Variants in CCDC152 observed in about 807,000 individuals in gnomAD.
The protein encoded by CCDC152 is coiled-coil domain-containing protein 152.
In CCDC152, 37 loss-of-function variants were observed where a neutral mutation model predicts 38.1. That is an observed-to-expected ratio of 0.97 (90% CI 0.75 to 1.28). CCDC152 has a LOEUF of 1.28. Among genes scored for constraint, CCDC152 ranks in the 50% most tolerant of loss-of-function variants. CCDC152 has a pLI of 0.00. For synonymous variants in CCDC152, 83 were observed against 87.1 expected (o/e 0.95, Z 0.26); for missense variants, 259 against 292.1 (o/e 0.89, Z 0.83).
intron 3 of CCDC152, among the ~76,000 whole-genome samples, chr5:42,764,278 C>T (rs2973000): frequency 0.45 from 67,757 of 151,902 alleles, 15,311 homozygotes; most frequent in East Asian, 0.58. Flanking sequence ...GGCATGGTGG[C>T]AGGCGCCTGT....
At chr5:42,769,052 C>T (rs1452378636) in intron 3 of CCDC152, among the ~76,000 whole-genome samples, 3 of 151,868 alleles carry the variant, frequency 2.0e-5, no homozygotes, top group East Asian at 3.9e-4. Context: ...AGTTCGAGAC[C>T]GCATGGCCAA....
chr5:42,761,690 C>T (rs903074538), intron 2 of CCDC152, among the ~76,000 whole-genome samples: 5 of 152,054 alleles, frequency 3.3e-5, no homozygotes, highest in African/African-American at 1.2e-4. Context: ...TAGTACTAAG[C>T]GGAACAGCCA....
chr5:42,788,881 A>G (rs1759961034), intron 6 of CCDC152, among the ~76,000 whole-genome samples: 1 of 152,146 alleles, frequency 6.6e-6, no homozygotes, highest in Non-Finnish European at 1.5e-5. Context: ...GTACTTGCCA[A>G]ACTCAGAGCA....
At chr5:42,789,032 G>A (rs1759963168) in intron 6 of CCDC152, among the ~76,000 whole-genome samples, 1 of 152,328 alleles carries the variant, frequency 6.6e-6, no homozygotes, top group East Asian at 1.9e-4. Flanking sequence ...GCATACGCAG[G>A]CATGCCTGCA....
intron 3 of CCDC152, among the ~76,000 whole-genome samples, chr5:42,769,119 C>T (rs781590120): frequency 3.3e-5 from 5 of 151,898 alleles, no homozygotes; most frequent in Admixed American, 2.0e-4. Context: ...CATGGTGACG[C>T]GTGCCTGTGA....
intron 5 of CCDC152, among the ~76,000 whole-genome samples, chr5:42,782,674 TA>T (rs1759861926): frequency 6.6e-6 from 1 of 152,092 alleles, no homozygotes; most frequent in African/African-American, 2.4e-5. Flanking sequence ...AGTAGTTTTT[TA>T]ATGTTCTCAC....
At chr5:42,784,540 T>C (rs1187224165) in intron 6 of CCDC152, among the ~76,000 whole-genome samples, 1 of 152,184 alleles carries the variant, frequency 6.6e-6, no homozygotes, top group Non-Finnish European at 1.5e-5. Context: ...TGCAAATATT[T>C]TCTCCCATTC....
chr5:42,771,535 A>G (rs1032637188), intron 4 of CCDC152, among the ~76,000 whole-genome samples: 1 of 151,142 alleles, frequency 6.6e-6, no homozygotes, highest in Non-Finnish European at 1.5e-5. Context: ...GGCTACACTG[A>G]AAAAAAAAGA....
intron 6 of CCDC152, among the ~76,000 whole-genome samples, chr5:42,784,443 A>G (rs558957802): frequency 6.6e-6 from 1 of 152,148 alleles, no homozygotes; most frequent in African/African-American, 2.4e-5. Flanking sequence ...CTCTTTGCCC[A>G]CTTTGTAATG....
Position 42,800,953 on chromosome 5 carries a change from G to T in CCDC152, c.*1172G>T. 6.2e-7 allele frequency: 1 copy of T among 1,614,182 alleles called. No homozygotes were observed. The highest frequency in any genetic ancestry group is 1.6e-4 in the Middle Eastern group (1 of 6,062). ...CCTGTTTTTTCAAATATCAGATGTC[G>T]ACAATGGCAGCATCAGCTCCTAGGA... On this transcript the variant is annotated 3_prime_UTR_variant, in exon 9 of 9. Coordinates refer to ENST00000361970, the MANE Select transcript of CCDC152 (RefSeq NM_001134848.2).
intron 4 of CCDC152, among the ~76,000 whole-genome samples, chr5:42,774,424 G>T (rs1350593254): frequency 1.3e-5 from 2 of 152,184 alleles, no homozygotes; most frequent in African/African-American, 4.8e-5. Context: ...CACAGCTTCT[G>T]TTCTTAACAA....
intron 6 of CCDC152, among the ~76,000 whole-genome samples, chr5:42,788,201 T>C (rs1470018040): frequency 7.3e-6 from 1 of 137,696 alleles, no homozygotes; most frequent in Non-Finnish European, 1.5e-5. Context: ...GTTTGGTGGA[T>C]ATAAAATTCT....
intron 7 of CCDC152, among the ~76,000 whole-genome samples, chr5:42,797,984 T>TA (rs34406654): frequency 0.019 from 2,850 of 150,940 alleles, 153 homozygotes; most frequent in South Asian, 0.19. Flanking sequence ...CCGCCTGTAC[T>TA]AAAAAAAAAT....
chr5:42,787,541 A>C (rs530582730), intron 6 of CCDC152, among the ~76,000 whole-genome samples: 1 of 152,118 alleles, frequency 6.6e-6, no homozygotes, highest in South Asian at 2.1e-4. Context: ...TCTTAGGTTT[A>C]ATAATATTTG....
intron 5 of CCDC152, among the ~76,000 whole-genome samples, chr5:42,780,496 G>GT (rs1280479313): frequency 6.6e-6 from 1 of 152,102 alleles, no homozygotes; most frequent in East Asian, 1.9e-4. Context: ...GTAAAGTCAG[G>GT]TTGTAATTGG....
At chr5:42,782,559 T>C (rs1759860048) in intron 5 of CCDC152, among the ~76,000 whole-genome samples, 1 of 152,086 alleles carries the variant, frequency 6.6e-6, no homozygotes, top group Non-Finnish European at 1.5e-5. Context: ...GGTGAAAGGA[T>C]AAAAAATTTT....
chr5:42,789,670 A>T (rs939980760), intron 6 of CCDC152, among the ~76,000 whole-genome samples: 3 of 152,164 alleles, frequency 2.0e-5, no homozygotes, highest in African/African-American at 7.2e-5. Context: ...ATTTTTATGT[A>T]TATGTAAAGC....
At position 42,800,702 on chromosome 5, in the gene CCDC152, A is replaced by G. The variant is rs1760165446; in HGVS notation, c.*921A>G. ...TTGTGTCTAGACTAAATTGGGGAGT[A>G]TGTCCTATTTTAAATATTTAGTTTG... On this transcript the variant is annotated 3_prime_UTR_variant, in exon 9 of 9. Coordinates refer to ENST00000361970, the MANE Select transcript of CCDC152 (RefSeq NM_001134848.2). 1 of 1,575,024 alleles carries G rather than the reference A, an allele frequency of 6.3e-7. No individual in the cohort carries two copies. Among genetic ancestry groups the G allele is most frequent in the African/African-American group, 1.4e-5 (1 of 73,568 alleles).
Position 42,779,492 on chromosome 5 carries a change from T to TA in CCDC152, c.298dup (p.Ile100AsnfsTer9). On this transcript the variant is annotated frameshift_variant, in exon 5 of 9. Coordinates refer to ENST00000361970, the MANE Select transcript of CCDC152 (RefSeq NM_001134848.2). LOFTEE classifies it high-confidence loss of function. ...AACAACTAAAAATAAGTGCTGATCT[T>TA]ATAAAAGAGAAGTTAAAGTCTCATG... 1 of 1,518,964 alleles carries TA rather than the reference T, an allele frequency of 6.6e-7. No homozygotes were observed. The highest frequency in any genetic ancestry group is 8.9e-7 in the Non-Finnish European group (1 of 1,117,666). The allele number at this position is 1,518,964 out of a possible 1,614,324, so 94.1% of individuals were successfully genotyped here. A position where few individuals can be genotyped will look rare whatever the true frequency, so the allele number is the denominator to read the frequency against.
Sources: allele counts gnomAD v4.1 joint callset (sites outside exome capture counted in the v4.1 genomes callset), GRCh38; gene constraint gnomAD v4.1.1; transcripts MANE v1.5; gene names NCBI Gene and HGNC (gene_info 2026-07-23, HGNC 2026-07-21).